The following SEPTIN2 variants were observed in gnomAD, a reference collection of about 807,000 sequenced individuals.
SEPTIN2 encodes septin 2.
A neutral mutation model predicts 46.5 loss-of-function variants in SEPTIN2; 34 were observed. That is an observed-to-expected ratio of 0.73 (90% CI 0.56 to 0.97). The LOEUF (loss-of-function observed/expected upper bound fraction) is 0.97. Among genes scored for constraint, SEPTIN2 ranks in the 50% least tolerant of loss-of-function variants. The pLI, the probability that SEPTIN2 is intolerant of heterozygous loss-of-function variation, is 0.00. For synonymous variants in SEPTIN2, 175 were observed against 153.4 expected (o/e 1.14, Z -1.04); for missense variants, 347 against 448.4 (o/e 0.77, Z 2.04).
Position 241,343,734 on chromosome 2 carries a change from CTG to C in SEPTIN2, c.697-12_697-11del, listed in dbSNP as rs1178539396. 35 of 1,613,818 alleles carry C rather than the reference CTG, an allele frequency of 2.2e-5. No individual in the cohort carries two copies. The highest frequency in any genetic ancestry group is 4.0e-5 in the African/African-American group (3 of 74,918). On this transcript the variant is annotated splice_polypyrimidine_tract_variant and intron_variant, in intron 8 of 12. Coordinates refer to ENST00000391971, the MANE Select transcript of SEPTIN2 (RefSeq NM_004404.5). ...GTTCCCTGTGTGGAGCCTGTCTACTCTGTGTGTCTCTTTCTAGGCTAGCATCC... is the reference window on the plus strand; with the variant it reads ...GTTCCCTGTGTGGAGCCTGTCTACTCTGTGTCTCTTTCTAGGCTAGCATCC...
intron 2 of SEPTIN2, chr2:241,324,633 C>T (rs907049490): frequency 1.7e-5 from 5 of 295,160 alleles, no homozygotes; most frequent in Non-Finnish European, 3.3e-5. Flanking sequence ...GATCCACCCG[C>T]TTTGGCCCCC....
chr2:241,340,235 G>A (rs2081073905), intron 7 of SEPTIN2, among the ~76,000 whole-genome samples: 1 of 152,184 alleles, frequency 6.6e-6, no homozygotes, highest in African/African-American at 2.4e-5. Context: ...GCCTTTCCTT[G>A]ATTGCCGATG....
In SEPTIN2 at chr2:241,335,568, C is replaced by G. The variant is rs1575270419; in HGVS notation, c.217+356C>G. On this transcript the variant is annotated intron_variant, in intron 4 of 12. Transcript: ENST00000391971. ...ATAGATGTTCGAATTCATCTACTGT[C>G]AGAAAGTTCCAGCACAGGACACCAG... is the stretch of plus-strand genomic sequence containing the variant. 5 of 607,370 alleles carry G rather than the reference C, an allele frequency of 8.2e-6. No individual in the cohort carries two copies. In the East Asian group the frequency reaches 1.4e-4, roughly 17 times the overall value. 37.6% of individuals were successfully genotyped at this position (607,370 alleles called of 1,614,324 possible). A position where few individuals can be genotyped will look rare whatever the true frequency, so the allele number is the denominator to read the frequency against.
At chr2:241,328,436 ATAAAAT>A (rs2078375806) in intron 3 of SEPTIN2, among the ~76,000 whole-genome samples, 1 of 151,616 alleles carries the variant, frequency 6.6e-6, no homozygotes, top group South Asian at 2.1e-4. Flanking sequence ...GTCTCAAAAA[ATAAAAT>A]TAAGTAGAAA....
chr2:241,324,949 T>C (rs2077700557), intron 2 of SEPTIN2: 1 of 149,152 alleles, frequency 6.7e-6, no homozygotes, highest in African/African-American at 2.5e-5. Flanking sequence ...GTGGTTAACA[T>C]TGCAAGATTA....
At chr2:241,326,226 TAACTTGAGAA>T in intron 3 of SEPTIN2, 113 bp downstream of exon 3, 2 of 1,025,800 alleles carry the variant, frequency 1.9e-6, no homozygotes, top group Non-Finnish European at 2.7e-6. Flanking sequence ...CAGAGTCAAA[TAACTTGAGAA>T]TTTGAACAAA....
intron 7 of SEPTIN2, among the ~76,000 whole-genome samples, chr2:241,338,988 TTATAAATATA>T (rs1476467314): frequency 9.1e-6 from 1 of 110,358 alleles, no homozygotes; most frequent in Non-Finnish European, 1.7e-5. Flanking sequence ...ATAAATATAT[TTATAAATATA>T]TATAAATATT....
At chr2:241,320,294 C>CT (rs1164817330) in intron 1 of SEPTIN2, 1 of 470,994 alleles carries the variant, frequency 2.1e-6, no homozygotes, top group African/African-American at 2.0e-5. Context: ...ATTGGTATGT[C>CT]TTTAATCAGC....
At chr2:241,331,128 G>A (rs562829100) in intron 3 of SEPTIN2, among the ~76,000 whole-genome samples, 97 of 152,208 alleles carry the variant, frequency 6.4e-4, no homozygotes, top group African/African-American at 2.2e-3. Flanking sequence ...TCAGTGAGCC[G>A]AGGTCATGCC....
Position 241,333,407 on chromosome 2 carries a change from C to G in SEPTIN2, c.131-1719C>G, listed in dbSNP as rs77036037. Among the ~76,000 whole-genome samples, 1,014 of 152,308 alleles carry G rather than the reference C, an allele frequency of 6.7e-3. 8 individuals are homozygous for G. The highest frequency in any genetic ancestry group is 0.011 in the Non-Finnish European group (781 of 68,028). On this transcript the variant is annotated intron_variant, in intron 3 of 12. Transcript: ENST00000391971. The stretch of plus-strand genomic sequence containing the variant: ...AGGCATTTAGTCAAATTTTTACACT[C>G]ATATTTAGGCATGTTCAACACATTG...
At chr2:241,316,402 G>A (rs1488383540) in intron 1 of SEPTIN2, 4 of 951,960 alleles carry the variant, frequency 4.2e-6, no homozygotes, top group Non-Finnish European at 5.9e-6. Context: ...TCTTTCTAAC[G>A]GTGCCATTTC....
intron 1 of SEPTIN2, chr2:241,317,688 T>C: frequency 5.4e-6 from 2 of 370,228 alleles, no homozygotes; most frequent in Non-Finnish European, 7.5e-6. Context: ...TATGTGGGTA[T>C]ACTGAACGTG....
chr2:241,351,118 AGT>A (rs1388891465), intron 12 of SEPTIN2, among the ~76,000 whole-genome samples: 2 of 152,066 alleles, frequency 1.3e-5, no homozygotes, highest in Non-Finnish European at 2.9e-5. Flanking sequence ...TGGAAGCATG[AGT>A]GTGTTCATGA....
intron 1 of SEPTIN2, among the ~76,000 whole-genome samples, chr2:241,321,693 T>C (rs1383934159): frequency 6.6e-6 from 1 of 152,214 alleles, no homozygotes; most frequent in Non-Finnish European, 1.5e-5. Flanking sequence ...TGTCTTGATT[T>C]AGGATTACTT....
At position 241,337,251 on chromosome 2, in the gene SEPTIN2, CTTCTG is replaced by C. The variant is rs1176201650; in HGVS notation, c.342-126_342-122del. 5 of 887,052 alleles carry C rather than the reference CTTCTG, an allele frequency of 5.6e-6. No individual in the cohort carries two copies. In the Middle Eastern group the frequency reaches 1.5e-3, roughly 258 times the overall value. 54.9% of individuals were successfully genotyped at this position (887,052 alleles called of 1,614,324 possible). On this transcript the variant is annotated intron_variant, in intron 5 of 12. Transcript: ENST00000391971. ...CCATTTGCCAAATCTAAAAGTCAGT[CTTCTG>C]TTCTCATCTTGAAAATGAATTATTA...
At chr2:241,318,847 G>T (rs2076745756) in intron 1 of SEPTIN2, among the ~76,000 whole-genome samples, 1 of 151,888 alleles carries the variant, frequency 6.6e-6, no homozygotes. Context: ...ACAGGCAGGC[G>T]CCACCACACC....
chr2:241,338,886 A>T (rs1448892122), intron 7 of SEPTIN2, among the ~76,000 whole-genome samples: 1 of 75,476 alleles, frequency 1.3e-5, no homozygotes, highest in East Asian at 2.9e-4. Flanking sequence ...TATATCTATA[A>T]TATATATTAT....
rs2076306997 is a variant in SEPTIN2, at chr2:241,316,590, T to G, written c.-18+608T>G. On this transcript the variant is annotated intron_variant, in intron 1 of 12. Transcript: ENST00000391971. ...GGCAGCAGGGGGTAGGGTATAGGGT[T>G]GGAGGCCGCCGAGTTGGCCCGGGGA... 4 of 1,422,476 alleles carry G rather than the reference T, an allele frequency of 2.8e-6. No individual in the cohort carries two copies. The East Asian group carries it at 1.1e-4, about 40-fold the overall frequency. 88.1% of individuals were successfully genotyped at this position (1,422,476 alleles called of 1,614,324 possible). A position where few individuals can be genotyped will look rare whatever the true frequency, so the allele number is the denominator to read the frequency against.
intron 12 of SEPTIN2, among the ~76,000 whole-genome samples, chr2:241,350,444 T>C (rs1428319751): frequency 6.6e-6 from 1 of 152,208 alleles, no homozygotes; most frequent in Admixed American, 6.5e-5. Context: ...TTTCAACTTT[T>C]ATTTTATTGG....
Sources: gnomAD v4.1 joint callset for allele counts (sites outside exome capture counted in the v4.1 genomes callset) on GRCh38, gnomAD v4.1.1 for gene constraint, MANE v1.5 for transcripts, NCBI Gene and HGNC (gene_info 2026-07-23, HGNC 2026-07-21) for gene names.